The following ARVCF variants were observed in gnomAD, a reference collection of about 807,000 sequenced individuals.
ARVCF encodes the protein ARVCF delta catenin family member, also known as splicing regulator ARVCF.
ARVCF carries 66 observed loss-of-function variants against 90.9 expected under a neutral mutation model. The observed-to-expected ratio is 0.73, with a 90% confidence interval of 0.60 to 0.89. ARVCF has a LOEUF of 0.89. Among genes scored for constraint, ARVCF ranks in the 40% least tolerant of loss-of-function variants. The pLI, the probability that ARVCF is intolerant of heterozygous loss-of-function variation, is 0.00. For missense variants in ARVCF, 1,469 were observed against 1,382.3 expected (o/e 1.06, Z -1.00); for synonymous variants, 653 against 603.4 (o/e 1.08, Z -1.21).
chr22:20,005,376 A>G (rs537684340), intron 2 of ARVCF, among the ~76,000 whole-genome samples: 1 of 152,046 alleles, frequency 6.6e-6, no homozygotes, highest in South Asian at 2.1e-4. Context: ...CTAGTCTAAA[A>G]AAAAAAAAAA....
intron 3 of ARVCF, chr22:19,986,924 C>G (rs1943804103): frequency 1.9e-6 from 1 of 513,746 alleles, no homozygotes; most frequent in Non-Finnish European, 3.5e-6. Context: ...TGGCCCCAGC[C>G]TGACGCAGCC....
chr22:20,002,167 GA>G (rs1411853958), intron 2 of ARVCF, among the ~76,000 whole-genome samples: 1 of 152,232 alleles, frequency 6.6e-6, no homozygotes, highest in Non-Finnish European at 1.5e-5. Context: ...CTTCTGTCCA[GA>G]AAAGAAGCCC....
At chr22:20,002,106 G>A (rs1347673868) in intron 2 of ARVCF, among the ~76,000 whole-genome samples, 2 of 152,228 alleles carry the variant, frequency 1.3e-5, no homozygotes, top group South Asian at 2.1e-4. Flanking sequence ...ACAGGAGTAC[G>A]TCCAACGGGG....
Position 19,977,881 on chromosome 22 carries a change from CCA to C in ARVCF, c.1698+75_1698+76del, listed in dbSNP as rs1317402032. ...ACAAGCCCATTCCCCTGTGCTGCTC[CCA>C]CAGTTCCAGCCTCCTGGGACCTGCA... On this transcript the variant is annotated intron_variant, in intron 8 of 19. Transcript: ENST00000263207. 3 of 1,473,730 alleles carry C rather than the reference CCA, an allele frequency of 2.0e-6. No individual in the cohort carries two copies. In the African/African-American group the frequency reaches 4.2e-5, roughly 21 times the overall value. 91.3% of individuals were successfully genotyped at this position (1,473,730 alleles called of 1,614,324 possible). A position where few individuals can be genotyped will look rare whatever the true frequency, so the allele number is the denominator to read the frequency against.
chr22:19,965,486 C>G (rs550002408), downstream of ARVCF: 5 of 152,250 alleles, frequency 3.3e-5, no homozygotes, highest in South Asian at 1.0e-3. Context: ...GGACTACAGG[C>G]GCGCGCTGCC....
Position 19,984,725 on chromosome 22 carries a change from G to T in ARVCF, c.211-2634C>A, listed in dbSNP as rs529422687. ...CCACTGTTCCCAGAGGCACACTCGTGAGCACACATCCTCCCGTCCTCCACC... is the reference window on the plus strand; with the variant it reads ...CCACTGTTCCCAGAGGCACACTCGTTAGCACACATCCTCCCGTCCTCCACC... On this transcript the variant is annotated intron_variant, in intron 3 of 19. Coordinates refer to ENST00000263207, the MANE Select transcript of ARVCF (RefSeq NM_001670.3). 5.9e-5 allele frequency among the ~76,000 whole-genome samples: 9 copies of T among 152,342 alleles called. No homozygotes were observed. In the Middle Eastern group the frequency reaches 0.01, roughly 173 times the overall value.
chr22:19,971,518 G>C (rs1040438598), intron 18 of ARVCF, among the ~76,000 whole-genome samples, 183 bp from the exon 19 acceptor site: 3 of 152,184 alleles, frequency 2.0e-5, no homozygotes, highest in African/African-American at 7.2e-5. Flanking sequence ...GGGCGGGCAC[G>C]TGCACACACA....
At chr22:19,992,297 C>G (rs894546410) in intron 2 of ARVCF, among the ~76,000 whole-genome samples, 4 of 152,226 alleles carry the variant, frequency 2.6e-5, no homozygotes, top group African/African-American at 9.7e-5. Context: ...AGTGGAGGAG[C>G]TGTTTTAAGC....
intron 6 of ARVCF, chr22:19,979,432 A>C (rs1268888972): frequency 1.9e-6 from 1 of 532,912 alleles, no homozygotes; most frequent in East Asian, 3.2e-5. Context: ...CCACCACTGC[A>C]CGGTTGGGGT....
At chr22:20,007,710 G>A (rs930575417) in intron 2 of ARVCF, among the ~76,000 whole-genome samples, 2 of 152,208 alleles carry the variant, frequency 1.3e-5, no homozygotes, top group Non-Finnish European at 2.9e-5. Context: ...GCTCTCTCAC[G>A]TGTGCTCCTG....
intron 6 of ARVCF, 116 bp from the exon 7 acceptor site, chr22:19,979,196 G>T: frequency 8.5e-7 from 1 of 1,171,376 alleles, no homozygotes; most frequent in Non-Finnish European, 1.2e-6. Flanking sequence ...ATGCAGAACA[G>T]TAGGAAGTAA....
At chr22:19,968,759 G>A (rs775072525), downstream of ARVCF, 57 of 1,600,368 alleles carry the variant, frequency 3.6e-5, no homozygotes, top group Admixed American at 1.2e-4. Flanking sequence ...CCCCCCTCTC[G>A]GGCTCTCTCA....
At chr22:19,991,998 A>G (rs28724275) in intron 2 of ARVCF, among the ~76,000 whole-genome samples, 8,605 of 152,306 alleles carry the variant, frequency 0.056, 772 homozygotes, top group African/African-American at 0.19. Context: ...TGACATCCCC[A>G]GAGCGTCAGC....
rs187930998 is a variant in ARVCF at position 20,013,341 on chromosome 22, G to A, written c.-72-2833C>T. ...ACTTTTGGGGCTACGCAGGCACAGGGCTAGTCCTTCACTGTCCCTGCTGAG... is the reference window on the plus strand; with the variant it reads ...ACTTTTGGGGCTACGCAGGCACAGGACTAGTCCTTCACTGTCCCTGCTGAG... On this transcript the variant is annotated intron_variant, in intron 1 of 19. Transcript: ENST00000263207. Among the ~76,000 whole-genome samples, 63 of 152,366 alleles carry A rather than the reference G, an allele frequency of 4.1e-4. 1 individual carries two copies. In the East Asian group the frequency reaches 0.012, roughly 28 times the overall value.
In ARVCF at chr22:20,010,094, G is replaced by GC. The variant is rs1180156770; in HGVS notation, c.-19+360_-19+361insG. Among the ~76,000 whole-genome samples the GC allele has an allele frequency of 4.6e-5, 7 of 152,340 alleles. No homozygotes were observed. In the East Asian group the frequency reaches 1.2e-3, roughly 25 times the overall value. On this transcript the variant is annotated intron_variant, in intron 2 of 19. Transcript: ENST00000263207. ...GGCCCAGCAGGCTGTGCCAATACTG[G>GC]ATGCCACTGCGGCTGGCATCCTAGC... is the stretch of plus-strand genomic sequence containing the variant.
downstream of ARVCF, among the ~76,000 whole-genome samples, chr22:19,966,792 T>G (rs1335471577): frequency 1.3e-5 from 2 of 152,154 alleles, no homozygotes; most frequent in Non-Finnish European, 2.9e-5. Context: ...TCGCCCAGGC[T>G]GGAGTGCAGT....
rs1240055674 is a variant in ARVCF, at chr22:20,010,096, T to TCCTA, written c.-19+358_-19+359insTAGG. 4.6e-5 allele frequency among the ~76,000 whole-genome samples: 7 copies of TCCTA among 152,344 alleles called. No homozygotes were observed. In the East Asian group the frequency reaches 1.2e-3, roughly 25 times the overall value. On this transcript the variant is annotated intron_variant, in intron 2 of 19. Transcript: ENST00000263207. Reference sequence around the variant, plus strand: ...CCCAGCAGGCTGTGCCAATACTGGATGCCACTGCGGCTGGCATCCTAGCTC... The same window carrying TCCTA: ...CCCAGCAGGCTGTGCCAATACTGGATCCTAGCCACTGCGGCTGGCATCCTAGCTC...
chr22:19,973,869 C>G, intron 12 of ARVCF, 76 bp from the exon 13 acceptor site: 1 of 1,539,188 alleles, frequency 6.5e-7, no homozygotes, highest in Non-Finnish European at 8.7e-7. Context: ...ACCGCTCTCT[C>G]CAGCTGGACC....
intron 2 of ARVCF, among the ~76,000 whole-genome samples, chr22:19,998,316 C>T (rs915987821): frequency 1.3e-5 from 2 of 152,258 alleles, no homozygotes; most frequent in Non-Finnish European, 2.9e-5. Flanking sequence ...CAGGCTTCTC[C>T]TGAGGGACAG....
Sources: gnomAD v4.1 joint callset for allele counts (sites outside exome capture counted in the v4.1 genomes callset) on GRCh38, gnomAD v4.1.1 for gene constraint, MANE v1.5 for transcripts, NCBI Gene and HGNC (gene_info 2026-07-23, HGNC 2026-07-21) for gene names.